The following FAM20B variants were observed in gnomAD, a reference collection of about 807,000 sequenced individuals.
FAM20B encodes the protein FAM20B glycosaminoglycan xylosylkinase, also known as glycosaminoglycan xylosylkinase.
A neutral mutation model predicts 43.8 loss-of-function variants in FAM20B; 23 were observed. That is an observed-to-expected ratio of 0.53 (90% confidence interval 0.38 to 0.74). The LOEUF is 0.74. Among genes scored for constraint, FAM20B ranks in the 30% least tolerant of loss-of-function variants. The probability of loss-of-function intolerance (pLI) is 0.00; values close to 1 mark genes in which losing one functional copy is unlikely to be tolerated. For synonymous variants in FAM20B, 178 were observed against 192.4 expected (o/e 0.93, Z 0.62); for missense variants, 440 against 510.5 (o/e 0.86, Z 1.33).
intron 2 of FAM20B, among the ~76,000 whole-genome samples, chr1:179,045,819 G>A (rs1408873344): frequency 2.6e-5 from 4 of 151,842 alleles, no homozygotes; most frequent in East Asian, 3.9e-4. Context: ...GCTTGAGTGC[G>A]AGAGTTTGAG....
intron 1 of FAM20B, among the ~76,000 whole-genome samples, chr1:179,038,018 A>G (rs1441138526): frequency 1.3e-5 from 2 of 152,256 alleles, no homozygotes; most frequent in African/African-American, 4.8e-5. Context: ...AAAAAACCAC[A>G]GCTCTAACCT....
upstream of FAM20B, among the ~76,000 whole-genome samples, chr1:179,021,868 T>C (rs768707344): frequency 7.9e-5 from 12 of 152,230 alleles, no homozygotes; most frequent in Non-Finnish European, 1.6e-4. Flanking sequence ...TTTTGTGGTA[T>C]GTATATCTCA....
At chr1:179,044,816 C>T (rs897672134) in intron 2 of FAM20B, among the ~76,000 whole-genome samples, 6 of 152,130 alleles carry the variant, frequency 3.9e-5, no homozygotes, top group African/African-American at 7.2e-5. Flanking sequence ...GGATAGATAC[C>T]AGAAGCATAA....
chr1:179,024,066 C>A (rs867459704), upstream of FAM20B, among the ~76,000 whole-genome samples: 9 of 152,272 alleles, frequency 5.9e-5, no homozygotes, highest in Middle Eastern at 3.4e-3. Flanking sequence ...GGGGGCAGAA[C>A]AATTTTGTCG....
In FAM20B at chr1:179,062,170, A is replaced by T. The variant is rs115645209; in HGVS notation, c.575-1757A>T. Among the ~76,000 whole-genome samples the T allele has an allele frequency of 5.8e-3, 878 of 152,106 alleles. 9 individuals carry two copies. Among genetic ancestry groups the T allele is most frequent in the African/African-American group, 0.02 (837 of 41,496 alleles). On this transcript the variant is annotated intron_variant, in intron 4 of 7. Coordinates refer to ENST00000263733, the MANE Select transcript of FAM20B (RefSeq NM_014864.4). ...TACAGGTGCACACCACTACTCCTTA[A>T]TTCCTTTTAATGTGGTACTAAAATG...
chr1:179,053,538 G>C (rs1318969961), intron 3 of FAM20B, among the ~76,000 whole-genome samples: 1 of 152,148 alleles, frequency 6.6e-6, no homozygotes, highest in Non-Finnish European at 1.5e-5. Flanking sequence ...GCTTTGGGTT[G>C]CTGTTTCTTC....
At chr1:179,020,016 T>A in the FAM20B span, among the ~76,000 whole-genome samples, 4 of 152,164 alleles carry the variant, frequency 2.6e-5, no homozygotes, top group East Asian at 7.7e-4. Context: ...GTTGAGTACC[T>A]TGTCTTCCTC....
intron 4 of FAM20B, 46 bp from the exon 5 acceptor site, chr1:179,063,881 T>C: frequency 7.1e-7 from 1 of 1,412,238 alleles, no homozygotes; most frequent in African/African-American, 1.4e-5. Flanking sequence ...GAACTTGGAG[T>C]CTTCGTTATT....
intron 4 of FAM20B, 120 bp downstream of exon 4, chr1:179,054,758 A>C: frequency 3.9e-6 from 2 of 519,466 alleles, no homozygotes; most frequent in Non-Finnish European, 6.9e-6. Context: ...ATACAAAAGC[A>C]AATCAGACAA....
In FAM20B at chr1:179,043,705, G is replaced by A. The variant is rs1650639839; in HGVS notation, c.-133-10G>A. The A allele has an allele frequency of 3.7e-6, 3 of 805,490 alleles. No individual in the cohort carries two copies. The highest frequency in any genetic ancestry group is 2.9e-5 in the Admixed American group (1 of 34,586). The allele number at this position is 805,490 out of a possible 1,614,324, so 49.9% of individuals were successfully genotyped here. A position where few individuals can be genotyped will look rare whatever the true frequency, so the allele number is the denominator to read the frequency against. On this transcript the variant is annotated splice_polypyrimidine_tract_variant and intron_variant, in intron 1 of 7. Transcript: ENST00000263733. ...TTTGATCAAATTTTGCTTTGTACTT[G>A]GGCTTGCAGGAACTGTGGAAGGTGC...
In FAM20B at chr1:179,043,880, A is replaced by G; in HGVS notation, c.33A>G (p.Ala11=). The G allele has an allele frequency of 6.2e-6, 10 of 1,608,366 alleles. No individual in the cohort carries two copies. The highest frequency in any genetic ancestry group is 8.5e-6 in the Non-Finnish European group (10 of 1,175,088). The change falls in exon 2 of 8, where the codon GCA becomes GCG. Residue 11 remains alanine, a synonymous_variant. Coordinates refer to ENST00000263733, the MANE Select transcript of FAM20B (RefSeq NM_014864.4). MKLKQRVVLL[A]ILLVIFIFTK... ...TAAAGCAGCGAGTCGTGCTGTTAGC[A>G]ATTCTCCTTGTCATTTTTATCTTCA... is the stretch of plus-strand genomic sequence containing the variant.
intron 1 of FAM20B, among the ~76,000 whole-genome samples, chr1:179,034,182 C>G (rs1466332487): frequency 6.6e-6 from 1 of 152,186 alleles, no homozygotes; most frequent in African/African-American, 2.4e-5. Context: ...CTGGACCTCT[C>G]TCCATATAGA....
At chr1:179,020,460 G>A in the FAM20B span, among the ~76,000 whole-genome samples, 7 of 152,292 alleles carry the variant, frequency 4.6e-5, no homozygotes, top group South Asian at 1.2e-3. Flanking sequence ...TGAGCGCTTG[G>A]AGAGATGGCT....
intron 1 of FAM20B, among the ~76,000 whole-genome samples, chr1:179,027,975 T>G (rs1361088365): frequency 1.3e-5 from 2 of 152,174 alleles, no homozygotes; most frequent in South Asian, 2.1e-4. Context: ...TTGATTTCCA[T>G]TTGTAGATTC....
upstream of FAM20B, among the ~76,000 whole-genome samples, chr1:179,024,776 C>T (rs1381460621): frequency 6.6e-6 from 1 of 152,218 alleles, no homozygotes; most frequent in East Asian, 1.9e-4. Flanking sequence ...AACACCTAAT[C>T]ATACACAATA....
intron 3 of FAM20B, 148 bp downstream of exon 3, chr1:179,050,513 C>T (rs1262402641): frequency 3.4e-6 from 2 of 593,318 alleles, no homozygotes; most frequent in Admixed American, 6.0e-5. Flanking sequence ...TTCCATTAAA[C>T]TTGTATGAGT....
intron 3 of FAM20B, among the ~76,000 whole-genome samples, chr1:179,051,340 T>C (rs1180095537): frequency 6.6e-6 from 1 of 151,792 alleles, no homozygotes; most frequent in East Asian, 2.0e-4. Flanking sequence ...AAAATTAATT[T>C]ATGACTGGAT....
At chr1:179,021,594 T>C (rs946693806), upstream of FAM20B, among the ~76,000 whole-genome samples, 2 of 152,260 alleles carry the variant, frequency 1.3e-5, no homozygotes, top group South Asian at 2.1e-4. Context: ...AGTTAAGTGA[T>C]ACACAGCTTT....
rs1651060823 is a variant in FAM20B, at chr1:179,052,817, G to A, written c.465-1712G>A. Among the ~76,000 whole-genome samples, 4 of 152,124 alleles carry A rather than the reference G, an allele frequency of 2.6e-5. No homozygotes were observed. The South Asian group carries it at 8.3e-4, about 32-fold the overall frequency. ...AATCAGGCTTTCCAAGACCTTATCT[G>A]TTTGCCTCTTTTCTTCGTCCCCAAC... On this transcript the variant is annotated intron_variant, in intron 3 of 7. Transcript: ENST00000263733.
Sources: allele counts gnomAD v4.1 joint callset (sites outside exome capture counted in the v4.1 genomes callset), GRCh38; gene constraint gnomAD v4.1.1; transcripts MANE v1.5; gene names NCBI Gene and HGNC (gene_info 2026-07-23, HGNC 2026-07-21).